CAB39L: variants seen among roughly 807,000 people sequenced by gnomAD.
CAB39L encodes calcium binding protein 39 like.
Under a neutral mutation model 39.1 loss-of-function variants are expected in CAB39L, and 23 were observed. That is an observed-to-expected ratio of 0.59 (90% CI 0.42 to 0.83). The LOEUF (loss-of-function observed/expected upper bound fraction) is 0.83. CAB39L is among the 40% of genes least tolerant of loss of function. The pLI is 0.00. For synonymous variants in CAB39L, 126 were observed against 137.2 expected (o/e 0.92, Z 0.57); for missense variants, 366 against 391.9 (o/e 0.93, Z 0.56).
chr13:49,377,521 C>T lies in CAB39L; in HGVS notation c.112-390G>A, dbSNP rs376673308. Among the ~76,000 whole-genome samples the T allele has an allele frequency of 2.2e-5, 2 of 90,042 alleles. 1 individual carries two copies. Among genetic ancestry groups the T allele is most frequent in the East Asian group, 4.2e-4 (2 of 4,772 alleles). 59.1% of individuals were successfully genotyped at this position (90,042 alleles called of 152,430 possible). ...TCCCTGCCTGATTCTCCTGCCTCAG[C>T]CTGCCCAGTGCCTGCCATTGCAGGC... On this transcript the variant is annotated intron_variant, in intron 4 of 10. Transcript: ENST00000409308.
At chr13:49,408,455 C>G (rs1720040746) in intron 3 of CAB39L, among the ~76,000 whole-genome samples, 1 of 152,142 alleles carries the variant, frequency 6.6e-6, no homozygotes, top group Admixed American at 6.5e-5. Flanking sequence ...ATCTGGGGGT[C>G]ATCCATCCTG....
chr13:49,350,718 T>C (rs1301491861), intron 7 of CAB39L, 26 bp downstream of exon 7: 3 of 1,503,480 alleles, frequency 2.0e-6, no homozygotes, highest in Non-Finnish European at 1.8e-6. Context: ...TAAATTGACC[T>C]AGCTGAGTTG....
intron 3 of CAB39L, chr13:49,413,114 A>G (rs1957024090): frequency 1.4e-5 from 2 of 143,792 alleles, no homozygotes; most frequent in Admixed American, 1.4e-4. Flanking sequence ...TGAAAACAAA[A>G]CAAAACAAAA....
At chr13:49,407,885 A>G (rs1956915167) in intron 3 of CAB39L, among the ~76,000 whole-genome samples, 1 of 151,236 alleles carries the variant, frequency 6.6e-6, no homozygotes, top group Admixed American at 6.6e-5. Flanking sequence ...AAAATAGAAG[A>G]AACAAAAATT....
At chr13:49,396,097 CA>C (rs58073071) in intron 3 of CAB39L, among the ~76,000 whole-genome samples, 33 of 123,508 alleles carry the variant, frequency 2.7e-4, no homozygotes, top group East Asian at 8.4e-4. Context: ...GACTCTGTCT[CA>C]AAAAAAAAAA....
rs112740389 is a variant in CAB39L at position 49,318,028 on chromosome 13, T to C, written c.835-7035A>G. Among the ~76,000 whole-genome samples the C allele has an allele frequency of 8.2e-3, 1,247 of 152,174 alleles. 21 individuals are homozygous for C. Among genetic ancestry groups the C allele is most frequent in the African/African-American group, 0.029 (1,193 of 41,518 alleles). On this transcript the variant is annotated intron_variant, in intron 10 of 10. Coordinates refer to ENST00000409308, the MANE Select transcript of CAB39L (RefSeq NM_001079670.3). The stretch of plus-strand genomic sequence containing the variant: ...TTTTTAAAATCCTCAAAATCACTAG[T>C]CATTATGGAAATGCAAGTCAAAATC...
At chr13:49,418,980 G>GT (rs1221250292) in intron 3 of CAB39L, among the ~76,000 whole-genome samples, 1 of 152,048 alleles carries the variant, frequency 6.6e-6, no homozygotes, top group Admixed American at 6.6e-5. Context: ...AAAATGTTTT[G>GT]TTTTTTGAGA....
chr13:49,434,033 A>G (rs1422509016), intron 2 of CAB39L, 53 bp downstream of exon 2: 2 of 379,454 alleles, frequency 5.3e-6, no homozygotes, highest in Admixed American at 7.3e-5. Flanking sequence ...TCTCCATCAC[A>G]AGAGTGTGTA....
intron 10 of CAB39L, 124 bp from the exon 11 acceptor site, chr13:49,311,117 C>T (rs190155033): frequency 3.3e-5 from 25 of 755,544 alleles, no homozygotes; most frequent in African/African-American, 2.6e-4. Context: ...ATTATTAATG[C>T]GTAGAAGCCC....
At chr13:49,414,087 C>T (rs1277892244) in intron 3 of CAB39L, 3 of 152,168 alleles carry the variant, frequency 2.0e-5, no homozygotes, top group African/African-American at 7.2e-5. Context: ...AATGAATTAT[C>T]CATGCTTTTC....
At chr13:49,410,761 C>T (rs891965015) in intron 3 of CAB39L, among the ~76,000 whole-genome samples, 12 of 152,290 alleles carry the variant, frequency 7.9e-5, no homozygotes, top group African/African-American at 2.9e-4. Flanking sequence ...CAAACAAACA[C>T]ATAGCATTTG....
rs945614240 is a variant in CAB39L, at chr13:49,344,066, T to C, written c.624+113A>G. The C allele has an allele frequency of 4.1e-5, 29 of 710,654 alleles. No homozygotes were observed. In the African/African-American group the frequency reaches 4.5e-4, roughly 11 times the overall value. The allele number at this position is 710,654 out of a possible 1,614,324, so 44.0% of individuals were successfully genotyped here. A position where few individuals can be genotyped will look rare whatever the true frequency, so the allele number is the denominator to read the frequency against. On this transcript the variant is annotated intron_variant, in intron 8 of 10. Coordinates refer to ENST00000409308, the MANE Select transcript of CAB39L (RefSeq NM_001079670.3). ...TTTCCAGGTAGACAAATCAGGAGTA[T>C]GGTTGAATGCGACTGATTTCTCTTG...
intron 10 of CAB39L, among the ~76,000 whole-genome samples, chr13:49,326,265 G>C (rs1033192808): frequency 3.3e-5 from 5 of 152,234 alleles, no homozygotes; most frequent in African/African-American, 1.2e-4. Context: ...GTCAGGACCA[G>C]AGACAAAAGT....
chr13:49,358,815 G>A (rs1243491745), intron 6 of CAB39L, among the ~76,000 whole-genome samples: 1 of 151,918 alleles, frequency 6.6e-6, no homozygotes, highest in Admixed American at 6.6e-5. Context: ...AGCCAAGATC[G>A]CATCACTGTA....
At chr13:49,313,291 C>T (rs1403524845) in intron 10 of CAB39L, among the ~76,000 whole-genome samples, 2 of 152,086 alleles carry the variant, frequency 1.3e-5, no homozygotes, top group African/African-American at 2.4e-5. Context: ...ACCATCCTGG[C>T]TAACACGGTG....
At chr13:49,382,704 C>G in intron 4 of CAB39L, 96 bp downstream of exon 4, 1 of 767,618 alleles carries the variant, frequency 1.3e-6, no homozygotes, top group Admixed American at 2.2e-5. Flanking sequence ...GTGCACATCA[C>G]AGACCATATT....
intron 6 of CAB39L, among the ~76,000 whole-genome samples, chr13:49,358,852 G>A (rs544211586): frequency 2.6e-5 from 4 of 151,794 alleles, no homozygotes; most frequent in Non-Finnish European, 4.4e-5. Context: ...AGAGCAAGAC[G>A]CTGTCTCAAA....
At chr13:49,443,113 A>G (rs926637211) in intron 1 of CAB39L, among the ~76,000 whole-genome samples, 2 of 151,676 alleles carry the variant, frequency 1.3e-5, no homozygotes, top group Non-Finnish European at 2.9e-5. Context: ...GAGGAGGGAA[A>G]CAAGGTTAAG....
intron 5 of CAB39L, 123 bp downstream of exon 5, chr13:49,376,844 T>A: frequency 1.3e-6 from 1 of 766,326 alleles, no homozygotes; most frequent in East Asian, 2.6e-5. Context: ...GAAAAAACTT[T>A]AAAAAATAAC....
Sources: gnomAD v4.1 joint callset for allele counts (sites outside exome capture counted in the v4.1 genomes callset) on GRCh38, gnomAD v4.1.1 for gene constraint, MANE v1.5 for transcripts, NCBI Gene and HGNC (gene_info 2026-07-23, HGNC 2026-07-21) for gene names.